Variants in ARPC5 observed in about 807,000 individuals in gnomAD.
ARPC5 encodes actin related protein 2/3 complex subunit 5.
ARPC5 carries 5 observed loss-of-function variants against 15.4 expected under a neutral mutation model. That is an observed-to-expected ratio of 0.32 (90% confidence interval 0.17 to 0.68). The LOEUF (loss-of-function observed/expected upper bound fraction) is 0.68, where lower values mean the gene tolerates loss of function less well. Ranked by LOEUF, ARPC5 falls within the 30% of genes least tolerant of loss-of-function variation. The pLI is 0.71. For missense variants in ARPC5, 138 were observed against 192.8 expected, an observed-to-expected ratio of 0.72 and a Z score of 1.68; for synonymous variants, 85 against 72.2, an observed-to-expected ratio of 1.18 and a Z score of -0.90.
chr1:183,635,441 C>T, intron 1 of ARPC5, 76 bp downstream of exon 1: 1 of 1,478,162 alleles, frequency 6.8e-7, no homozygotes, highest in Non-Finnish European at 9.0e-7. Context: ...CCCGCGGATC[C>T]TGCAGGCTCC....
In ARPC5 at chr1:183,630,577, T is replaced by C. The variant is rs1210558596; in HGVS notation, c.277A>G (p.Lys93Glu). The C allele has an allele frequency of 4.3e-6, 7 of 1,614,182 alleles. No individual in the cohort carries two copies. Among genetic ancestry groups the C allele is most frequent in the Non-Finnish European group, 5.9e-6 (7 of 1,180,014 alleles). Residue 93 changes from lysine (K) to glutamate (E), a missense_variant, in exon 3 of 4, where the codon AAG becomes GAG. Physicochemically the swap from Lys to Glu is moderately conservative, Grantham distance 56. Transcript: ENST00000359856. ...TTCTTGTCCAGAGATTGAACTGCCT[T>C]TTCTATATCATTAGCTTTAAAAGAG... The part of the protein sequence containing the change: ...LISFKANDIE[K>E]AVQSLDKNGV...
chr1:183,628,538 T>G (rs541170981), intron 3 of ARPC5, among the ~76,000 whole-genome samples: 13 of 152,164 alleles, frequency 8.5e-5, no homozygotes, highest in African/African-American at 2.7e-4. Context: ...AGTGAACAAA[T>G]ACAGCATTTT....
At chr1:183,630,884 G>C in intron 2 of ARPC5, 1 of 397,190 alleles carries the variant, frequency 2.5e-6, no homozygotes, top group Non-Finnish European at 4.5e-6. Context: ...AGAAAAGCAC[G>C]TGAGTAAGTC....
In ARPC5 at chr1:183,626,118, G is replaced by A. The variant is rs1165668313; in HGVS notation, c.*1414C>T. The A allele has an allele frequency of 6.6e-6, 1 of 152,194 alleles. No individual in the cohort carries two copies. The highest frequency in any genetic ancestry group is 2.4e-5 in the African/African-American group (1 of 41,438). The allele number at this position is 152,194 out of a possible 1,614,324, so 9.4% of individuals were successfully genotyped here. A position where few individuals can be genotyped will look rare whatever the true frequency, so the allele number is the denominator to read the frequency against. The stretch of plus-strand genomic sequence containing the variant: ...CCAAACTGTTCTTGTTAAGAGTACA[G>A]TACTTGGTGGTAGAAGCAGAAAACC... On this transcript the variant is annotated 3_prime_UTR_variant, in exon 4 of 4. Transcript: ENST00000359856.
At chr1:183,631,282 A>G (rs1649255816) in intron 2 of ARPC5, 1 of 152,048 alleles carries the variant, frequency 6.6e-6, no homozygotes, top group African/African-American at 2.4e-5. Flanking sequence ...TTAAAAAAAA[A>G]AAATCCCAAC....
At chr1:183,634,855 C>G (rs1649396232) in intron 1 of ARPC5, among the ~76,000 whole-genome samples, 1 of 151,340 alleles carries the variant, frequency 6.6e-6, no homozygotes, top group African/African-American at 2.4e-5. Flanking sequence ...ATTCATTCCC[C>G]TCCCCCAGTT....
rs1038622164 is a variant in ARPC5 at position 183,623,787 on chromosome 1, C to T, written c.*3745G>A. 2 of 360,208 alleles carry T rather than the reference C, an allele frequency of 5.6e-6. No homozygotes were observed. The highest frequency in any genetic ancestry group is 2.1e-5 in the African/African-American group (1 of 47,430). The allele number at this position is 360,208 out of a possible 1,614,324, so 22.3% of individuals were successfully genotyped here. A position where few individuals can be genotyped will look rare whatever the true frequency, so the allele number is the denominator to read the frequency against. ...CCTGTAATCCCAGTGCTTTGGGAGG[C>T]GGAGGAGGGTGGATCACCTGAGGTC... On this transcript the variant is annotated 3_prime_UTR_variant, in exon 4 of 4. Transcript: ENST00000359856.
At chr1:183,635,391 G>C (rs1161112319) in intron 1 of ARPC5, 126 bp downstream of exon 1, 3 of 1,179,108 alleles carry the variant, frequency 2.5e-6, no homozygotes, top group Non-Finnish European at 1.1e-6. Flanking sequence ...CAAAGAGACA[G>C]GTTAAGCCGC....
intron 1 of ARPC5, among the ~76,000 whole-genome samples, chr1:183,634,141 G>A (rs1649349087): frequency 6.6e-6 from 1 of 152,176 alleles, no homozygotes; most frequent in African/African-American, 2.4e-5. Flanking sequence ...TAGGAAGCAT[G>A]TTCACCATTT....
Position 183,627,565 on chromosome 1 carries a change from A to G in ARPC5, c.423T>C (p.Ile141=), listed in dbSNP as rs377588404. The G allele has an allele frequency of 3.7e-6, 6 of 1,614,066 alleles. No individual in the cohort carries two copies. The African/African-American group carries it at 8.0e-5, about 22-fold the overall frequency. ...TTTTTCTTGCAGTCAAGACACGAACAATGGACCCTACTCCTCCAGCAGCAA... is the reference window on the plus strand; with the variant it reads ...TTTTTCTTGCAGTCAAGACACGAACGATGGACCCTACTCCTCCAGCAGCAA... ...KALAAGGVGS[I]VRVLTARKTV The change falls in exon 4 of 4, where the codon ATT becomes ATC. Residue 141 remains isoleucine (I), a synonymous_variant. Coordinates refer to ENST00000359856, the MANE Select transcript of ARPC5 (RefSeq NM_005717.4).
At chr1:183,629,596 A>C (rs1024103367) in intron 3 of ARPC5, among the ~76,000 whole-genome samples, 1 of 152,230 alleles carries the variant, frequency 6.6e-6, no homozygotes, top group Non-Finnish European at 1.5e-5. Context: ...AAAGCTCAAA[A>C]TCACTTATAC....
intron 2 of ARPC5, 110 bp downstream of exon 2, chr1:183,632,972 A>G (rs1248358482): frequency 3.6e-6 from 3 of 839,070 alleles, no homozygotes; most frequent in African/African-American, 1.8e-5. Context: ...AAACTCTTCT[A>G]TGTCAAAGAT....
Position 183,633,098 on chromosome 1 carries a change from T to C in ARPC5, c.200A>G (p.Lys67Arg). 1 of 1,605,796 alleles carries C rather than the reference T, an allele frequency of 6.2e-7. No homozygotes were observed. Among genetic ancestry groups the C allele is most frequent in the East Asian group, 2.3e-5 (1 of 44,244 alleles). ...GCGACTCACCTTCACTGCCTGACTC[T>C]TGGTGTTGATAGGGGGGTTCTTCAG... ...AALKNPPINT[K>R]SQAVKDRAGS... is the part of the protein sequence containing the mutation. The change falls in exon 2 of 4, where the codon AAG becomes AGG. Residue 67 changes from lysine (K) to arginine (R), a missense_variant. By Grantham distance (26) the Lys-to-Arg change is conservative. Transcript: ENST00000359856.
intron 3 of ARPC5, among the ~76,000 whole-genome samples, chr1:183,627,977 T>C (rs1284674934): frequency 1.3e-5 from 2 of 151,940 alleles, no homozygotes; most frequent in South Asian, 2.1e-4. Context: ...ATCAAGACCA[T>C]CCTGGCTAAC....
At chr1:183,632,937 A>AT (rs2101957730) in intron 2 of ARPC5, 145 bp downstream of exon 2, 1 of 618,980 alleles carries the variant, frequency 1.6e-6, no homozygotes, top group East Asian at 3.2e-5. Flanking sequence ...TTCACGTGAA[A>AT]TTTTTACCTA....
At chr1:183,632,819 C>T (rs2101957649) in intron 2 of ARPC5, 2 of 293,886 alleles carry the variant, frequency 6.8e-6, no homozygotes, top group East Asian at 1.3e-4. Flanking sequence ...TGCTCAAATT[C>T]AGCCTGAGTG....
chr1:183,627,956 G>A (rs1219061863), intron 3 of ARPC5, among the ~76,000 whole-genome samples: 5 of 151,910 alleles, frequency 3.3e-5, no homozygotes, highest in Admixed American at 1.3e-4. Flanking sequence ...GGCGGATCAC[G>A]AGGTCAGGAG....
At chr1:183,634,595 T>C (rs910196556) in intron 1 of ARPC5, among the ~76,000 whole-genome samples, 4 of 152,258 alleles carry the variant, frequency 2.6e-5, no homozygotes, top group African/African-American at 9.6e-5. Flanking sequence ...GCCAAAGTTA[T>C]GAATATTCAA....
chr1:183,628,623 G>A lies in ARPC5; in HGVS notation c.394-1029C>T, dbSNP rs150017828. On this transcript the variant is annotated intron_variant, in intron 3 of 3. Transcript: ENST00000359856. ...TGTATGAAATGAGAGTTGTGCTGCA[G>A]GTGCTATTAAAGCACCAGGGAGAGG... Among the ~76,000 whole-genome samples the A allele has an allele frequency of 5.5e-3, 833 of 152,292 alleles. 9 individuals carry two copies. Among genetic ancestry groups the A allele is most frequent in the African/African-American group, 0.018 (753 of 41,554 alleles).
Sources: allele counts gnomAD v4.1 joint callset (sites outside exome capture counted in the v4.1 genomes callset), GRCh38; gene constraint gnomAD v4.1.1; transcripts MANE v1.5; gene names NCBI Gene and HGNC (gene_info 2026-07-23, HGNC 2026-07-21).